Variants in INTS6 observed in about 807,000 individuals in gnomAD.
INTS6 encodes DEAD box protein.
In INTS6, 16 loss-of-function variants were observed where a neutral mutation model predicts 104.9. The observed-to-expected ratio is 0.15, with a 90% CI of 0.10 to 0.23. INTS6 has a LOEUF of 0.23. INTS6 is among the 10% of genes least tolerant of loss of function. The probability of loss-of-function intolerance (pLI) is 1.00; values close to 1 mark genes in which losing one functional copy is unlikely to be tolerated. For synonymous variants in INTS6, 324 were observed against 358.7 expected (o/e 0.90, Z 1.09); for missense variants, 584 against 1,062.8 (o/e 0.55, Z 6.26).
At position 51,387,403 on chromosome 13, in the gene INTS6, G is replaced by C. The variant is rs1956161009; in HGVS notation, c.877C>G (p.Gln293Glu). ...WPVPESFWPD[Q>E]NSPTLPPRTS... Reference sequence around the variant, plus strand: ...GTACTTACTAGTGTTGGCGAATTTTGATCTGGCCAAAAAGACTCTGGAACA... The same window carrying C: ...GTACTTACTAGTGTTGGCGAATTTTCATCTGGCCAAAAAGACTCTGGAACA... The change falls in exon 7 of 18, where the codon CAA (glutamine) becomes GAA (glutamate). Residue 293 changes from glutamine (Q) to glutamate (E), a missense_variant. Gln to Glu is a conservative substitution (Grantham distance 29, BLOSUM62 2). Transcript: ENST00000311234. 6.2e-7 allele frequency: 1 copy of C among 1,611,390 alleles called. No homozygotes were observed. The highest frequency in any genetic ancestry group is 8.5e-7 in the Non-Finnish European group (1 of 1,178,584).
the INTS6 span, chr13:51,348,331 C>T: frequency 5.0e-4 from 811 of 1,613,906 alleles, no homozygotes; most frequent in Admixed American, 6.2e-4. Context: ...TGAGCCACAT[C>T]GAGCCACACC....
chr13:51,409,558 C>T (rs1250114363), intron 4 of INTS6, among the ~76,000 whole-genome samples: 2 of 151,558 alleles, frequency 1.3e-5, no homozygotes, highest in Admixed American at 1.3e-4. Context: ...ATGTCAACTG[C>T]CTTTATTTGT....
intron 4 of INTS6, among the ~76,000 whole-genome samples, chr13:51,404,662 T>A (rs1223532434): frequency 2.0e-5 from 3 of 152,234 alleles, no homozygotes; most frequent in African/African-American, 7.2e-5. Context: ...CATATATTCA[T>A]TCTTGCCTTA....
At chr13:51,388,086 C>G (rs573568677) in intron 6 of INTS6, among the ~76,000 whole-genome samples, 1 of 152,320 alleles carries the variant, frequency 6.6e-6, no homozygotes, top group South Asian at 2.1e-4. Flanking sequence ...CAGCAACTAT[C>G]TTCAACAATC....
chr13:51,366,860 G>A (rs1423594372), intron 17 of INTS6, among the ~76,000 whole-genome samples: 5 of 151,990 alleles, frequency 3.3e-5, no homozygotes, highest in African/African-American at 1.2e-4. Context: ...CATTTAGAAG[G>A]TGGGATGTGA....
Position 51,361,956 on chromosome 13 carries a change from T to C in INTS6, c.*3796A>G. 6.2e-7 allele frequency: 1 copy of C among 1,611,726 alleles called. No individual in the cohort carries two copies. The highest frequency in any genetic ancestry group is 8.5e-7 in the Non-Finnish European group (1 of 1,178,618). On this transcript the variant is annotated 3_prime_UTR_variant, in exon 18 of 18. Transcript: ENST00000311234. The stretch of plus-strand genomic sequence containing the variant: ...TCAGTGTCTCTCTAGCAACAAGGGC[T>C]CATTTGTCCACTATCCCCTCAAAAA...
intron 4 of INTS6, among the ~76,000 whole-genome samples, chr13:51,417,309 T>G (rs1379970994): frequency 6.6e-6 from 1 of 152,218 alleles, no homozygotes; most frequent in Non-Finnish European, 1.5e-5. Flanking sequence ...ATTAAGCCTA[T>G]GTTTTCTTCT....
the INTS6 span, chr13:51,344,594 G>A: frequency 1.2e-6 from 1 of 823,462 alleles, no homozygotes; most frequent in Non-Finnish European, 2.0e-6. Context: ...TTCAATTACA[G>A]CAGAAGTCTG....
chr13:51,375,109 G>A (rs950409739), intron 13 of INTS6, among the ~76,000 whole-genome samples: 7 of 152,020 alleles, frequency 4.6e-5, no homozygotes, highest in Admixed American at 1.3e-4. Context: ...CCAGCACTTC[G>A]GGAGGCTGAG....
intron 6 of INTS6, 127 bp downstream of exon 6, chr13:51,389,192 C>T: frequency 1.2e-6 from 1 of 859,926 alleles, no homozygotes; most frequent in Non-Finnish European, 1.8e-6. Flanking sequence ...CCCTCTTTAC[C>T]AACAGCCTTT....
chr13:51,422,125 G>A (rs1171460382), intron 4 of INTS6, among the ~76,000 whole-genome samples: 2 of 152,068 alleles, frequency 1.3e-5, no homozygotes. Context: ...TGTTTTAAAT[G>A]TTAAATTATA....
At chr13:51,417,441 C>T (rs1956808060) in intron 4 of INTS6, among the ~76,000 whole-genome samples, 1 of 145,202 alleles carries the variant, frequency 6.9e-6, no homozygotes, top group African/African-American at 2.6e-5. Flanking sequence ...AAACCATTTG[C>T]TAAGAAAATT....
the INTS6 span, among the ~76,000 whole-genome samples, chr13:51,347,634 C>T: frequency 0.023 from 3,543 of 152,194 alleles, 59 homozygotes; most frequent in South Asian, 0.057. Flanking sequence ...TTCAGTTATC[C>T]GCATCAGAAA....
intron 4 of INTS6, 146 bp downstream of exon 4, chr13:51,430,144 TACAA>T (rs988758463): frequency 1.5e-5 from 9 of 618,848 alleles, no homozygotes; most frequent in East Asian, 8.0e-5. Flanking sequence ...AGAACACTGC[TACAA>T]ACAAAGATGG....
At chr13:51,421,168 G>A (rs1593741656) in intron 4 of INTS6, 1 of 985,644 alleles carries the variant, frequency 1.0e-6, no homozygotes, top group Non-Finnish European at 1.2e-6. Context: ...TTTGAGGAAG[G>A]CTAGCCATTA....
chr13:51,406,245 T>G (rs1005735074), intron 4 of INTS6, among the ~76,000 whole-genome samples: 1 of 152,134 alleles, frequency 6.6e-6, no homozygotes, highest in African/African-American at 2.4e-5. Flanking sequence ...AAAACTGTAT[T>G]TTGAGCCTCT....
intron 5 of INTS6, among the ~76,000 whole-genome samples, chr13:51,390,357 G>T (rs9535654): frequency 0.11 from 16,704 of 151,354 alleles, 1,131 homozygotes; most frequent in Admixed American, 0.21. Context: ...AAGTAATAAG[G>T]ATATATTGAT....
intron 4 of INTS6, among the ~76,000 whole-genome samples, chr13:51,422,770 C>T (rs1956918516): frequency 6.6e-6 from 1 of 152,106 alleles, no homozygotes; most frequent in African/African-American, 2.4e-5. Context: ...GGTGCTATTA[C>T]CTGCCCTCTA....
At position 51,449,992 on chromosome 13, in the gene INTS6, A is replaced by C. The variant is rs971743150; in HGVS notation, c.339+1033T>G. The C allele has an allele frequency of 6.1e-6, 6 of 985,260 alleles. No homozygotes were observed. The Admixed American group carries it at 1.8e-4, about 30-fold the overall frequency. 61.0% of individuals were successfully genotyped at this position (985,260 alleles called of 1,614,324 possible). A position where few individuals can be genotyped will look rare whatever the true frequency, so the allele number is the denominator to read the frequency against. ...CTTAAGCACTGAAGTTATCCCTAAG[A>C]AGCTTAAAATTTCCTAAAACAGAAA... On this transcript the variant is annotated intron_variant, in intron 3 of 17. Transcript: ENST00000311234.
Sources: allele counts gnomAD v4.1 joint callset (sites outside exome capture counted in the v4.1 genomes callset), GRCh38; gene constraint gnomAD v4.1.1; transcripts MANE v1.5; gene names NCBI Gene and HGNC (gene_info 2026-07-23, HGNC 2026-07-21).